The following SCAF11 variants were observed in gnomAD, a reference collection of about 807,000 sequenced individuals.
The protein encoded by SCAF11 is SR-related CTD associated factor 11.
In SCAF11, 47 loss-of-function variants were observed where a neutral mutation model predicts 140.5. The ratio of observed to expected loss-of-function variants is 0.33; its 90% confidence interval spans 0.26 to 0.43. The LOEUF (loss-of-function observed/expected upper bound fraction) is 0.43, where lower values mean the gene tolerates loss of function less well. SCAF11 is among the 20% of genes least tolerant of loss of function. SCAF11 has a pLI of 1.00. For missense variants in SCAF11, 1,645 were observed against 1,705.1 expected, an observed-to-expected ratio of 0.96 and a Z score of 0.62; for synonymous variants, 557 against 579.4, an observed-to-expected ratio of 0.96 and a Z score of 0.55.
intron 4 of SCAF11, among the ~76,000 whole-genome samples, chr12:45,950,257 T>C (rs1945519042): frequency 6.6e-6 from 1 of 152,036 alleles, no homozygotes; most frequent in African/African-American, 2.4e-5. Flanking sequence ...GAGGTAGTTG[T>C]AGAATTCAAG....
intron 13 of SCAF11, 87 bp from the exon 14 acceptor site, chr12:45,922,669 T>A: frequency 7.6e-7 from 1 of 1,311,044 alleles, no homozygotes; most frequent in Middle Eastern, 2.2e-4. Flanking sequence ...ATACTTCATA[T>A]TTACAATAAG....
intron 1 of SCAF11, among the ~76,000 whole-genome samples, chr12:45,988,094 G>A (rs1371985167): frequency 2.6e-5 from 4 of 152,154 alleles, no homozygotes; most frequent in Non-Finnish European, 4.4e-5. Context: ...AAGACAAGGT[G>A]CAAGGTTATT....
intron 1 of SCAF11, among the ~76,000 whole-genome samples, chr12:45,968,534 T>G (rs1946001287): frequency 1.3e-5 from 2 of 151,868 alleles, no homozygotes; most frequent in Admixed American, 6.6e-5. Context: ...GAATTTAAAA[T>G]TTAAAAAAAA....
rs1944663243 is a variant in SCAF11, at chr12:45,919,734, A to G, written c.*2314T>C. The G allele has an allele frequency of 6.6e-6, 1 of 152,244 alleles. No homozygotes were observed. Among genetic ancestry groups the G allele is most frequent in the Non-Finnish European group, 1.5e-5 (1 of 68,040 alleles). The allele number at this position is 152,244 out of a possible 1,614,324, so 9.4% of individuals were successfully genotyped here. A position where few individuals can be genotyped will look rare whatever the true frequency, so the allele number is the denominator to read the frequency against. On this transcript the variant is annotated 3_prime_UTR_variant, in exon 15 of 15. Transcript: ENST00000369367. ...GTCTAACCAGTGCCCCAAATCAGAC[A>G]TGGAACACACACTTGTTACTGTCAC... is the stretch of plus-strand genomic sequence containing the variant.
At chr12:45,968,690 C>G (rs1192030377) in intron 1 of SCAF11, among the ~76,000 whole-genome samples, 1 of 152,154 alleles carries the variant, frequency 6.6e-6, no homozygotes, top group Non-Finnish European at 1.5e-5. Flanking sequence ...CCTGTAATCC[C>G]AGCACTTTGG....
rs775705296 is a variant in SCAF11 at position 45,931,577 on chromosome 12, A to G, written c.770T>C (p.Val257Ala). 2 of 1,537,168 alleles carry G rather than the reference A, an allele frequency of 1.3e-6. No individual in the cohort carries two copies. Among genetic ancestry groups the G allele is most frequent in the Non-Finnish European group, 1.7e-6 (2 of 1,149,430 alleles). Residue 257 changes from valine (V) to alanine (A), a missense_variant, in exon 10 of 15, where the codon GTC becomes GCC. By Grantham distance (64) the Val-to-Ala change is moderately conservative. Transcript: ENST00000369367. ...GFIPWNVETE[V>A]LPLISSVLPR... ...CAACACAGAAGAAATGAGAGGAAGGACTTCTGTTTCAACATTCCAGGGTAT... is the reference window on the plus strand; with the variant it reads ...CAACACAGAAGAAATGAGAGGAAGGGCTTCTGTTTCAACATTCCAGGGTAT...
intron 3 of SCAF11, among the ~76,000 whole-genome samples, chr12:45,958,008 T>TC (rs977641783): frequency 1.3e-5 from 2 of 150,556 alleles, no homozygotes; most frequent in Middle Eastern, 3.5e-3. Flanking sequence ...TCCTCCAACC[T>TC]CCCCCCATCA....
At position 45,945,305 on chromosome 12, in the gene SCAF11, G is replaced by T; in HGVS notation, c.407C>A (p.Ala136Asp). The change falls in exon 6 of 15, where the codon GCC becomes GAC. Residue 136 changes from alanine (A) to aspartate (D), a missense_variant. Ala to Asp is a moderately radical substitution (Grantham distance 126). This residue lies in a region of SCAF11 where 1,582 missense variants were observed against 1,609.2 expected (regional missense o/e 0.98). Transcript: ENST00000369367. Reference sequence around the variant, plus strand: ...ACTTAATAGATCTTCTCTTACGATGGCTTTTCTTCTGTAAACATCAATAAA... The same window carrying T: ...ACTTAATAGATCTTCTCTTACGATGTCTTTTCTTCTGTAAACATCAATAAA... Reference protein sequence around the residue: ...ENSKSCIRRKAIVREDLLSAK... With the variant: ...ENSKSCIRRKDIVREDLLSAK... The T allele has an allele frequency of 6.4e-7, 1 of 1,561,864 alleles. No homozygotes were observed.
In SCAF11 at chr12:45,990,567, C is replaced by G; in HGVS notation, c.-236G>C. 6.5e-6 allele frequency: 8 copies of G among 1,230,874 alleles called. No individual in the cohort carries two copies. The highest frequency in any genetic ancestry group is 8.1e-6 in the Non-Finnish European group (8 of 987,528). 76.2% of individuals were successfully genotyped at this position (1,230,874 alleles called of 1,614,324 possible). ...CGCTGCTCCGCGCGGCTTAAGCCACCGCTACTCCCCCTTCCCCCGCCTTGT... is the reference window on the plus strand; with the variant it reads ...CGCTGCTCCGCGCGGCTTAAGCCACGGCTACTCCCCCTTCCCCCGCCTTGT... On this transcript the variant is annotated 5_prime_UTR_variant, in exon 1 of 15. Coordinates refer to ENST00000369367, the MANE Select transcript of SCAF11 (RefSeq NM_004719.3).
intron 1 of SCAF11, among the ~76,000 whole-genome samples, chr12:45,987,595 G>A (rs1196915355): frequency 2.0e-5 from 3 of 152,162 alleles, no homozygotes; most frequent in East Asian, 1.9e-4. Context: ...ACAAAATATC[G>A]GGGGAAGGCT....
At chr12:45,944,450 G>A (rs997747170) in intron 6 of SCAF11, among the ~76,000 whole-genome samples, 2 of 152,126 alleles carry the variant, frequency 1.3e-5, no homozygotes, top group African/African-American at 2.4e-5. Context: ...TATTCATAGT[G>A]CATAAAAAAT....
In SCAF11 at chr12:45,928,065, G is replaced by A. The variant is rs141665011; in HGVS notation, c.1636C>T (p.Leu546Phe). 9.3e-6 allele frequency: 15 copies of A among 1,613,850 alleles called. No homozygotes were observed. In the African/African-American group the frequency reaches 1.9e-4, roughly 20 times the overall value. Residue 546 changes from leucine (L) to phenylalanine (F), a missense_variant, in exon 11 of 15, where the codon CTT becomes TTT. This residue lies in a region of SCAF11 where 1,582 missense variants were observed against 1,609.2 expected (regional missense o/e 0.98). Transcript: ENST00000369367. ...EVKTDVCTVH[L>F]PNDFPTCLTS... ...AAACATGTAGGAAAATCATTTGGAA[G>A]ATGAACTGTACATACATCTGTCTTT...
At position 45,921,848 on chromosome 12, in the gene SCAF11, G is replaced by T. The variant is rs1010396528; in HGVS notation, c.*200C>A. The stretch of plus-strand genomic sequence containing the variant: ...ACTTTCCCTTGAATTTTGTGGGGGA[G>T]GGTGGAGGGGAAGGAAGGATACAGA... On this transcript the variant is annotated 3_prime_UTR_variant, in exon 15 of 15. Transcript: ENST00000369367. The T allele has an allele frequency of 9.1e-6, 5 of 552,254 alleles. No homozygotes were observed. The highest frequency in any genetic ancestry group is 1.6e-5 in the Non-Finnish European group (5 of 321,550). 34.2% of individuals were successfully genotyped at this position (552,254 alleles called of 1,614,324 possible). A position where few individuals can be genotyped will look rare whatever the true frequency, so the allele number is the denominator to read the frequency against.
intron 2 of SCAF11, among the ~76,000 whole-genome samples, chr12:45,963,780 C>G (rs746870694): frequency 1.3e-4 from 20 of 152,106 alleles, no homozygotes; most frequent in Non-Finnish European, 2.2e-4. Flanking sequence ...ATTAAATTAG[C>G]TTTAGAAGCA....
intron 6 of SCAF11, among the ~76,000 whole-genome samples, chr12:45,944,183 G>A (rs1945368499): frequency 6.6e-6 from 1 of 152,076 alleles, no homozygotes; most frequent in African/African-American, 2.4e-5. Context: ...GAATTGGCAA[G>A]CAAATGCTAT....
chr12:45,926,409 GCCA>G lies in SCAF11; in HGVS notation c.3289_3291del (p.Trp1097del). On this transcript the variant is annotated inframe_deletion, in exon 11 of 15. Transcript: ENST00000369367. Reference sequence around the variant, plus strand: ...TTCCCTGAGAGGGGTTTTCGATTTTGCCACCGATTTTCATTCTGATCTTTATAG... The same window carrying G: ...TTCCCTGAGAGGGGTTTTCGATTTTGCCGATTTTCATTCTGATCTTTATAG... 3.1e-6 allele frequency: 5 copies of G among 1,614,114 alleles called. No homozygotes were observed. The highest frequency in any genetic ancestry group is 4.2e-6 in the Non-Finnish European group (5 of 1,180,004).
chr12:45,974,454 T>C (rs895857797), intron 1 of SCAF11: 2 of 303,844 alleles, frequency 6.6e-6, no homozygotes, highest in East Asian at 7.9e-5. Flanking sequence ...TCTTTCAAAA[T>C]TGGAGTTAAT....
In SCAF11 at chr12:45,961,729, A is replaced by G. The variant is rs1358055346; in HGVS notation, c.190T>C (p.Cys64Arg). 1 of 1,612,798 alleles carries G rather than the reference A, an allele frequency of 6.2e-7. No individual in the cohort carries two copies. The highest frequency in any genetic ancestry group is 8.5e-7 in the Non-Finnish European group (1 of 1,179,294). The change falls in exon 3 of 15, where the codon TGT (cysteine) becomes CGT (arginine). Residue 64 changes from cysteine to arginine, a missense_variant. By Grantham distance (180) the Cys-to-Arg change is radical. Around this residue, in one of 2 missense-constraint regions of SCAF11, gnomAD observed 1,582 missense variants for 1,609.2 expected, o/e 0.98. Coordinates refer to ENST00000369367, the MANE Select transcript of SCAF11 (RefSeq NM_004719.3). ...GCCCATTTAAGAATACAAGTCATAC[A>G]GAAGACATGATTACAGCTTTCTGGA... ...GFPESCNHVF[C>R]MTCILKWAET...
At chr12:45,925,479 G>A (rs1944836885) in intron 11 of SCAF11, among the ~76,000 whole-genome samples, 1 of 152,128 alleles carries the variant, frequency 6.6e-6, no homozygotes, top group African/African-American at 2.4e-5. Flanking sequence ...AACCCAGGAG[G>A]TGGAGGTTGC....
Sources: allele counts gnomAD v4.1 joint callset (sites outside exome capture counted in the v4.1 genomes callset), GRCh38; gene constraint gnomAD v4.1.1; regional missense constraint gnomAD v4.1.1; transcripts MANE v1.5; gene names NCBI Gene and HGNC (gene_info 2026-07-23, HGNC 2026-07-21).